The following FIG4 variants were observed in gnomAD, a reference collection of about 807,000 sequenced individuals.
FIG4 encodes polyphosphoinositide phosphatase.
Under a neutral mutation model 118.6 loss-of-function variants are expected in FIG4, and 112 were observed. That is an observed-to-expected ratio of 0.94 (90% CI 0.81 to 1.11). The LOEUF (loss-of-function observed/expected upper bound fraction) is 1.11, where lower values mean the gene tolerates loss of function less well. FIG4 is among the 50% of genes least tolerant of loss of function. The pLI is 0.00. For missense variants in FIG4, 969 were observed against 1,111.7 expected (o/e 0.87, Z 1.83); for synonymous variants, 369 against 381.2 (o/e 0.97, Z 0.37).
At chr6:109,762,320 G>A in intron 12 of FIG4, 113 bp downstream of exon 12, 1 of 719,544 alleles carries the variant, frequency 1.4e-6, no homozygotes, top group Non-Finnish European at 2.5e-6. Context: ...CCTGGGGGGA[G>A]GCACACTGCT....
intron 22 of FIG4, among the ~76,000 whole-genome samples, chr6:109,820,329 GTACCTC>G (rs1458712697): frequency 6.6e-6 from 1 of 152,116 alleles, no homozygotes; most frequent in African/African-American, 2.4e-5. Flanking sequence ...AACTCTTCTT[GTACCTC>G]TACTGCTATG....
At position 109,796,701 on chromosome 6, in the gene FIG4, G is replaced by A; in HGVS notation, c.2460-64G>A. The A allele has an allele frequency of 5.4e-6, 5 of 922,618 alleles. No homozygotes were observed. In the South Asian group the frequency reaches 6.5e-5, roughly 12 times the overall value. 57.2% of individuals were successfully genotyped at this position (922,618 alleles called of 1,614,324 possible). On this transcript the variant is annotated intron_variant, in intron 21 of 22. Transcript: ENST00000230124. ...TTTGAAAGCTTACACCATTTTGTGT[G>A]ATCTACTGAATTAATTGCAAGTACT...
chr6:109,814,798 G>A (rs992824889), intron 22 of FIG4, among the ~76,000 whole-genome samples: 1 of 151,856 alleles, frequency 6.6e-6, no homozygotes, highest in African/African-American at 2.4e-5. Flanking sequence ...CATGTCCTTT[G>A]TCTGTCCCAG....
At chr6:109,765,965 C>T (rs1777267723) in intron 14 of FIG4, among the ~76,000 whole-genome samples, 2 of 152,160 alleles carry the variant, frequency 1.3e-5, no homozygotes, top group South Asian at 4.1e-4. Context: ...TTCAAAAGTA[C>T]ATATCTAAGA....
chr6:109,745,376 ATT>A (rs1454840801), intron 10 of FIG4, among the ~76,000 whole-genome samples: 1 of 151,986 alleles, frequency 6.6e-6, no homozygotes, highest in African/African-American at 2.4e-5. Flanking sequence ...TTTGATTTGC[ATT>A]TTTCTAATGA....
intron 15 of FIG4, among the ~76,000 whole-genome samples, chr6:109,775,338 A>C (rs185872348): frequency 4.8e-4 from 73 of 152,348 alleles, no homozygotes; most frequent in African/African-American, 1.7e-3. Context: ...TTGCAGCAGC[A>C]GTACTTCCAA....
intron 10 of FIG4, among the ~76,000 whole-genome samples, chr6:109,753,914 A>T (rs1220349256): frequency 6.6e-6 from 1 of 152,186 alleles, no homozygotes; most frequent in Non-Finnish European, 1.5e-5. Context: ...CTCTTTTCCG[A>T]ATTGAATACC....
chr6:109,772,268 T>C (rs1030792483), intron 15 of FIG4, among the ~76,000 whole-genome samples: 3 of 152,198 alleles, frequency 2.0e-5, no homozygotes, highest in Admixed American at 2.0e-4. Context: ...AGTCTCCTAT[T>C]GACTTCCCCT....
chr6:109,754,054 C>G (rs1479090689), intron 10 of FIG4, among the ~76,000 whole-genome samples: 1 of 152,172 alleles, frequency 6.6e-6, no homozygotes, highest in South Asian at 2.1e-4. Context: ...TTTGCCCATT[C>G]AGTATGATAT....
chr6:109,734,947 C>T (rs1776116105), intron 5 of FIG4, among the ~76,000 whole-genome samples: 2 of 152,110 alleles, frequency 1.3e-5, no homozygotes, highest in South Asian at 2.1e-4. Context: ...CATGCAGATG[C>T]CTAGTCATGC....
chr6:109,738,306 A>G lies in FIG4; in HGVS notation c.647-19A>G. 1 of 1,590,684 alleles carries G rather than the reference A, an allele frequency of 6.3e-7. No homozygotes were observed. Among genetic ancestry groups the G allele is most frequent in the Non-Finnish European group, 8.6e-7 (1 of 1,159,092 alleles). ...ATATTTTGTGTATTTATGGACTGAT[A>G]CAGACTTTTATTTTTCAGGGGTATT... On this transcript the variant is annotated intron_variant, in intron 6 of 22. Coordinates refer to ENST00000230124, the MANE Select transcript of FIG4 (RefSeq NM_014845.6).
chr6:109,780,279 T>G (rs573545996), intron 16 of FIG4, among the ~76,000 whole-genome samples: 1 of 152,214 alleles, frequency 6.6e-6, no homozygotes, highest in Non-Finnish European at 1.5e-5. Context: ...TGGCGTGATC[T>G]CGGCTCACTG....
At chr6:109,754,812 C>T (rs1354581703) in intron 10 of FIG4, among the ~76,000 whole-genome samples, 17 of 152,080 alleles carry the variant, frequency 1.1e-4, no homozygotes, top group Admixed American at 1.1e-3. Context: ...TTTATTGCAT[C>T]TATTTGATTC....
At chr6:109,787,491 A>T (rs1395673558) in intron 18 of FIG4, among the ~76,000 whole-genome samples, 1 of 152,174 alleles carries the variant, frequency 6.6e-6, no homozygotes, top group Non-Finnish European at 1.5e-5. Context: ...CATTTCTAGA[A>T]GTTGTTAACT....
At position 109,691,370 on chromosome 6, in the gene FIG4, T is replaced by G. The variant is rs2128375146; in HGVS notation, c.-66T>G. The G allele has an allele frequency of 7.3e-7, 1 of 1,372,044 alleles. No individual in the cohort carries two copies. The highest frequency in any genetic ancestry group is 2.5e-5 in the East Asian group (1 of 40,168). The allele number at this position is 1,372,044 out of a possible 1,614,324, so 85.0% of individuals were successfully genotyped here. A position where few individuals can be genotyped will look rare whatever the true frequency, so the allele number is the denominator to read the frequency against. ...GATGTCCAGGGCCTGAGGGGTTTTC[T>G]CGCCGAGTCTCCTGGGGCGGTCCGG... On this transcript the variant is annotated 5_prime_UTR_variant, in exon 1 of 23. Coordinates refer to ENST00000230124, the MANE Select transcript of FIG4 (RefSeq NM_014845.6).
intron 22 of FIG4, among the ~76,000 whole-genome samples, chr6:109,814,910 A>G (rs1234471750): frequency 1.3e-5 from 2 of 152,226 alleles, no homozygotes; most frequent in Admixed American, 6.5e-5. Flanking sequence ...TTGGAGGGTC[A>G]CTGCCCCCAG....
At chr6:109,811,171 T>C (rs1209852061) in intron 22 of FIG4, among the ~76,000 whole-genome samples, 3 of 152,154 alleles carry the variant, frequency 2.0e-5, no homozygotes, top group Non-Finnish European at 2.9e-5. Context: ...TCAAGTAATA[T>C]TCGAATCACT....
At chr6:109,794,490 C>G (rs899362157) in intron 21 of FIG4, among the ~76,000 whole-genome samples, 2 of 152,196 alleles carry the variant, frequency 1.3e-5, no homozygotes, top group Non-Finnish European at 2.9e-5. Context: ...CCTGGAATAT[C>G]TCCCCTCTCC....
At chr6:109,775,643 G>T (rs570561615) in intron 15 of FIG4, among the ~76,000 whole-genome samples, 1 of 152,246 alleles carries the variant, frequency 6.6e-6, no homozygotes, top group South Asian at 2.1e-4. Context: ...GGTACAAATT[G>T]GGGCAGTAAT....
Sources: allele counts gnomAD v4.1 joint callset (sites outside exome capture counted in the v4.1 genomes callset), GRCh38; gene constraint gnomAD v4.1.1; transcripts MANE v1.5; gene names NCBI Gene and HGNC (gene_info 2026-07-23, HGNC 2026-07-21).